Variants in DDAH1 observed in about 807,000 individuals in gnomAD.
DDAH1 encodes N(G),N(G)-dimethylarginine dimethylaminohydrolase 1.
DDAH1 carries 19 observed loss-of-function variants against 28.8 expected under a neutral mutation model. The ratio of observed to expected loss-of-function variants is 0.66; its 90% confidence interval spans 0.46 to 0.97. DDAH1 has a LOEUF of 0.97. Ranked by LOEUF, DDAH1 falls within the 50% of genes least tolerant of loss-of-function variation. DDAH1 has a pLI of 0.00. For missense variants in DDAH1, 326 were observed against 375.9 expected (o/e 0.87, Z 1.10); for synonymous variants, 153 against 154.4 (o/e 0.99, Z 0.07).
chr1:85,498,777 C>G (rs780418493), intron 1 of DDAH1, among the ~76,000 whole-genome samples: 84 of 152,104 alleles, frequency 5.5e-4, no homozygotes, highest in Admixed American at 4.6e-4. Flanking sequence ...CAAAAATTAG[C>G]CGGAGGTAGT....
At chr1:85,441,956 T>C in intron 1 of DDAH1, among the ~76,000 whole-genome samples, 1 of 152,138 alleles carries the variant, frequency 6.6e-6, no homozygotes, top group East Asian at 1.9e-4. Flanking sequence ...GTGAAAGTCT[T>C]GAGTGGTAGG....
intron 1 of DDAH1, among the ~76,000 whole-genome samples, chr1:85,568,168 G>A (rs1469604392): frequency 1.3e-5 from 2 of 152,314 alleles, no homozygotes; most frequent in Non-Finnish European, 2.9e-5. Flanking sequence ...TGCAGCTGAA[G>A]CAGGAGTAGA....
rs533987066 is a variant in DDAH1, at chr1:85,423,552, C to T, written c.303+41191G>A. ...CTCCCTTCTTGCTTTTTTGGTGCTA[C>T]TGTAAATGTATTGTTTTTAAATTTT... On this transcript the variant is annotated intron_variant, in intron 1 of 5. Coordinates refer to ENST00000284031, the MANE Select transcript of DDAH1 (RefSeq NM_012137.4). 5.9e-5 allele frequency among the ~76,000 whole-genome samples: 9 copies of T among 152,004 alleles called. No homozygotes were observed. In the East Asian group the frequency reaches 9.7e-4, roughly 16 times the overall value.
chr1:85,389,526 T>C (rs187812490), intron 1 of DDAH1, among the ~76,000 whole-genome samples: 7 of 152,272 alleles, frequency 4.6e-5, no homozygotes, highest in Admixed American at 6.5e-5. Context: ...TCAGACCCTG[T>C]GCTCAATGCT....
At chr1:85,429,143 C>A (rs993343073) in intron 1 of DDAH1, among the ~76,000 whole-genome samples, 2 of 152,034 alleles carry the variant, frequency 1.3e-5, no homozygotes, top group African/African-American at 4.8e-5. Context: ...TTAGGTATTT[C>A]TCCTAATGCT....
intron 2 of DDAH1, among the ~76,000 whole-genome samples, chr1:85,476,077 G>T (rs1352427233): frequency 6.6e-6 from 1 of 152,114 alleles, no homozygotes; most frequent in East Asian, 1.9e-4. Context: ...GCCCAGGCTG[G>T]TCTCAAACTC....
At chr1:85,342,171 T>C (rs1028832884) in intron 4 of DDAH1, among the ~76,000 whole-genome samples, 1 of 152,152 alleles carries the variant, frequency 6.6e-6, no homozygotes, top group Non-Finnish European at 1.5e-5. Flanking sequence ...AGAATGACAA[T>C]CCATGAAATG....
At chr1:85,449,718 A>G (rs1404375849) in intron 1 of DDAH1, among the ~76,000 whole-genome samples, 2 of 152,148 alleles carry the variant, frequency 1.3e-5, no homozygotes, top group African/African-American at 4.8e-5. Context: ...ATGAAGCACA[A>G]CGGAGATGCA....
intron 1 of DDAH1, among the ~76,000 whole-genome samples, chr1:85,444,649 CTCAA>C (rs1654353774): frequency 6.6e-6 from 1 of 152,150 alleles, no homozygotes; most frequent in Non-Finnish European, 1.5e-5. Flanking sequence ...ATATAGTCTA[CTCAA>C]TTCAAGACAT....
chr1:85,478,042 A>T (rs1181359410), intron 2 of DDAH1, among the ~76,000 whole-genome samples: 2 of 152,182 alleles, frequency 1.3e-5, no homozygotes, highest in Non-Finnish European at 2.9e-5. Context: ...AAATTAGAAA[A>T]GCCTTTAAAG....
chr1:85,341,805 T>A (rs571033086), intron 4 of DDAH1, among the ~76,000 whole-genome samples: 6 of 151,984 alleles, frequency 3.9e-5, no homozygotes, highest in Admixed American at 3.3e-4. Flanking sequence ...AGAGCGAGAC[T>A]CTGTCTCAAA....
intron 1 of DDAH1, among the ~76,000 whole-genome samples, chr1:85,550,836 T>C (rs978432463): frequency 1.3e-5 from 2 of 152,188 alleles, no homozygotes; most frequent in African/African-American, 4.8e-5. Context: ...GTGTCATCTA[T>C]CTGCTCTAGC....
intron 1 of DDAH1, among the ~76,000 whole-genome samples, chr1:85,359,465 G>T (rs903828048): frequency 1.3e-5 from 2 of 152,106 alleles, no homozygotes; most frequent in Non-Finnish European, 1.5e-5. Context: ...TCCTACCCTT[G>T]CCAGGAAATA....
rs1223275459 is a variant in DDAH1 at position 85,443,466 on chromosome 1, C to T, written c.303+21277G>A. ...AGTTTGAAGTCAGGTAGCATGATGC[C>T]TCCAGCTTTGTTCTTTTGGCTTAGG... On this transcript the variant is annotated intron_variant, in intron 1 of 5. Transcript: ENST00000284031. Among the ~76,000 whole-genome samples, 5 of 152,274 alleles carry T rather than the reference C, an allele frequency of 3.3e-5. No homozygotes were observed. In the East Asian group the frequency reaches 9.7e-4, roughly 29 times the overall value.
chr1:85,338,490 A>T (rs998149991), intron 4 of DDAH1, among the ~76,000 whole-genome samples: 3 of 152,168 alleles, frequency 2.0e-5, no homozygotes. Context: ...CTGTTCAAGG[A>T]CATAACAATT....
chr1:85,495,180 G>C (rs1000517931), intron 2 of DDAH1: 10 of 143,076 alleles, frequency 7.0e-5, no homozygotes, highest in African/African-American at 2.6e-4. Flanking sequence ...TTTTTTTACT[G>C]TCTATCTGTC....
At chr1:85,488,612 A>G (rs1656283028) in intron 2 of DDAH1, among the ~76,000 whole-genome samples, 1 of 152,198 alleles carries the variant, frequency 6.6e-6, no homozygotes, top group Non-Finnish European at 1.5e-5. Flanking sequence ...TTCCATATAG[A>G]CATATAAAGA....
intron 1 of DDAH1, among the ~76,000 whole-genome samples, chr1:85,570,196 C>A (rs1659410764): frequency 6.6e-6 from 1 of 152,202 alleles, no homozygotes; most frequent in Non-Finnish European, 1.5e-5. Context: ...AGTGTACCCT[C>A]TGACCCCTGC....
chr1:85,451,609 C>T (rs1654673776), intron 1 of DDAH1, among the ~76,000 whole-genome samples: 1 of 152,148 alleles, frequency 6.6e-6, no homozygotes, highest in African/African-American at 2.4e-5. Flanking sequence ...AACGCCCCCT[C>T]TCAAAAGTGC....
Sources: allele counts gnomAD v4.1 joint callset (sites outside exome capture counted in the v4.1 genomes callset), GRCh38; gene constraint gnomAD v4.1.1; transcripts MANE v1.5; gene names NCBI Gene and HGNC (gene_info 2026-07-23, HGNC 2026-07-21).